Variants in HPSE2 observed in about 807,000 individuals in gnomAD.
HPSE2 encodes the protein heparanase 2 (inactive).
HPSE2 carries 38 observed loss-of-function variants against 60.5 expected under a neutral mutation model. The observed-to-expected ratio is 0.63, with a 90% CI of 0.48 to 0.82. HPSE2 has a LOEUF of 0.82. HPSE2 is among the 40% of genes least tolerant of loss of function. The pLI is 0.00. For missense variants in HPSE2, 713 were observed against 740.4 expected (o/e 0.96, Z 0.43); for synonymous variants, 295 against 293.2 (o/e 1.01, Z -0.06).
intron 3 of HPSE2, among the ~76,000 whole-genome samples, chr10:98,847,346 G>T (rs970647528): frequency 6.6e-6 from 1 of 152,066 alleles, no homozygotes; most frequent in Non-Finnish European, 1.5e-5. Context: ...TCATATGGTC[G>T]CATTTAATGT....
chr10:98,562,576 G>A (rs1050428059), intron 9 of HPSE2, among the ~76,000 whole-genome samples: 4 of 151,976 alleles, frequency 2.6e-5, no homozygotes, highest in Admixed American at 1.3e-4. Context: ...TTAGCCGGGC[G>A]TGGTGGTGGG....
At chr10:98,922,377 C>T (rs771244359) in intron 3 of HPSE2, among the ~76,000 whole-genome samples, 2 of 152,014 alleles carry the variant, frequency 1.3e-5, no homozygotes, top group Non-Finnish European at 2.9e-5. Context: ...TTTTGGGGTA[C>T]CTAGCATCTT....
At chr10:98,567,478 G>A (rs1213452782) in intron 9 of HPSE2, among the ~76,000 whole-genome samples, 1 of 152,182 alleles carries the variant, frequency 6.6e-6, no homozygotes, top group Non-Finnish European at 1.5e-5. Context: ...GTTTGCACAG[G>A]TATTAAATGT....
intron 2 of HPSE2, among the ~76,000 whole-genome samples, chr10:99,159,446 C>T (rs1490997059): frequency 2.0e-5 from 3 of 152,058 alleles, no homozygotes; most frequent in African/African-American, 4.8e-5. Context: ...ATTGGTTATA[C>T]GAATTCATAT....
chr10:99,252,610 C>T, the HPSE2 span, among the ~76,000 whole-genome samples: 1 of 152,156 alleles, frequency 6.6e-6, no homozygotes, highest in Non-Finnish European at 1.5e-5. Flanking sequence ...GGCGCAGTGG[C>T]TCACGCCTGT....
chr10:98,503,717 C>T (rs1224722070), intron 9 of HPSE2, among the ~76,000 whole-genome samples: 1 of 152,160 alleles, frequency 6.6e-6, no homozygotes, highest in Non-Finnish European at 1.5e-5. Flanking sequence ...TTTGCAGTGA[C>T]CTGGTTGAGA....
intron 4 of HPSE2, among the ~76,000 whole-genome samples, chr10:98,729,099 T>C (rs1465559111): frequency 1.3e-5 from 2 of 151,998 alleles, no homozygotes; most frequent in Non-Finnish European, 2.9e-5. Context: ...GCATGAAAAG[T>C]GAGACAGAGG....
intron 3 of HPSE2, among the ~76,000 whole-genome samples, chr10:99,029,028 C>G (rs1265142438): frequency 6.6e-6 from 1 of 152,170 alleles, no homozygotes; most frequent in African/African-American, 2.4e-5. Flanking sequence ...TATTAAACTA[C>G]TACAAGAAAA....
intron 3 of HPSE2, among the ~76,000 whole-genome samples, chr10:99,099,434 G>A (rs530743698): frequency 5.4e-4 from 83 of 152,326 alleles, no homozygotes; most frequent in African/African-American, 1.8e-3. Flanking sequence ...AGGCAGCAGC[G>A]AGGCTGGGGG....
the HPSE2 span, among the ~76,000 whole-genome samples, chr10:99,285,979 T>A: frequency 3.9e-5 from 6 of 152,174 alleles, no homozygotes; most frequent in East Asian, 1.2e-3. Flanking sequence ...CGTATTCCAA[T>A]CATTAGTCAT....
intron 3 of HPSE2, among the ~76,000 whole-genome samples, chr10:98,764,801 G>T (rs1159873709): frequency 6.6e-6 from 1 of 152,168 alleles, no homozygotes; most frequent in Non-Finnish European, 1.5e-5. Context: ...AGGTTGCAGT[G>T]AGCCGAGATG....
At chr10:98,854,744 G>A (rs1468840504) in intron 3 of HPSE2, among the ~76,000 whole-genome samples, 4 of 152,048 alleles carry the variant, frequency 2.6e-5, no homozygotes, top group Non-Finnish European at 1.5e-5. Context: ...AAGAGAGAGG[G>A]CACTCACTAC....
the HPSE2 span, among the ~76,000 whole-genome samples, chr10:99,303,098 G>A: frequency 1.6e-4 from 25 of 152,118 alleles, no homozygotes; most frequent in Non-Finnish European, 3.1e-4. Context: ...AAGTGACCCA[G>A]CAGGTTTCCT....
chr10:98,505,883 C>T (rs1304689582), intron 9 of HPSE2, among the ~76,000 whole-genome samples: 1 of 152,114 alleles, frequency 6.6e-6, no homozygotes, highest in Non-Finnish European at 1.5e-5. Context: ...GTTTCTTTGT[C>T]CTGTACTAAT....
chr10:99,130,385 T>A (rs1457109350), intron 3 of HPSE2, among the ~76,000 whole-genome samples: 1 of 152,010 alleles, frequency 6.6e-6, no homozygotes, highest in Non-Finnish European at 1.5e-5. Flanking sequence ...TCAAAAAAAA[T>A]ACTAGCTAAC....
chr10:98,994,322 A>C (rs1956595514), intron 3 of HPSE2, among the ~76,000 whole-genome samples: 1 of 152,126 alleles, frequency 6.6e-6, no homozygotes, highest in African/African-American at 2.4e-5. Context: ...TGTCCTAGGT[A>C]TATATAGGAG....
intron 4 of HPSE2, among the ~76,000 whole-genome samples, chr10:98,742,981 T>A (rs567963402): frequency 1.2e-4 from 18 of 146,742 alleles, no homozygotes; most frequent in East Asian, 3.9e-4. Context: ...TTTCTTTTTT[T>A]TTTTTTTTTT....
intron 4 of HPSE2, among the ~76,000 whole-genome samples, chr10:98,737,593 A>C (rs577538700): frequency 6.6e-6 from 1 of 152,294 alleles, no homozygotes; most frequent in East Asian, 1.9e-4. Context: ...TCTCAGCCCC[A>C]AAACTCCTTA....
chr10:99,299,137 TC>T, the HPSE2 span, among the ~76,000 whole-genome samples: 1 of 151,838 alleles, frequency 6.6e-6, no homozygotes, highest in Non-Finnish European at 1.5e-5. Context: ...CTTTGGAGCC[TC>T]CCCCCTCCCC....
Sources: gnomAD v4.1 joint callset for allele counts (sites outside exome capture counted in the v4.1 genomes callset) on GRCh38, gnomAD v4.1.1 for gene constraint, MANE v1.5 for transcripts, NCBI Gene and HGNC (gene_info 2026-07-23, HGNC 2026-07-21) for gene names.